The following NLRP1 variants were observed in gnomAD, a reference collection of about 807,000 sequenced individuals.
NLRP1 encodes NACHT, LRR and PYD domains-containing protein 1.
A neutral mutation model predicts 136.7 loss-of-function variants in NLRP1; 94 were observed. The ratio of observed to expected loss-of-function variants is 0.69; its 90% CI spans 0.58 to 0.82. NLRP1 has a LOEUF of 0.82. Ranked by LOEUF, NLRP1 falls within the 40% of genes least tolerant of loss-of-function variation. NLRP1 has a pLI of 0.00. For missense variants in NLRP1, 1,575 were observed against 1,802.7 expected (o/e 0.87, Z 2.29); for synonymous variants, 690 against 725.1 (o/e 0.95, Z 0.78).
In NLRP1 at chr17:5,553,474, C is replaced by G; in HGVS notation, c.2440G>C (p.Asp814His). 2 of 1,614,156 alleles carry G rather than the reference C, an allele frequency of 1.2e-6. No homozygotes were observed. Among genetic ancestry groups the G allele is most frequent in the Non-Finnish European group, 1.7e-6 (2 of 1,180,022 alleles). ...TGGCTCAGCGAGTTTCCACTTAGGT[C>G]CAGCTCCTTCAGGTTTCTGGTGACC... Reference protein sequence around the residue: ...LKVTRNLKELDLSGNSLSHSA... With the variant: ...LKVTRNLKELHLSGNSLSHSA... The change falls in exon 5 of 17, where the codon GAC becomes CAC. Residue 814 changes from aspartate to histidine, a missense_variant. Asp to His is a moderately conservative substitution (Grantham distance 81, BLOSUM62 -1). Coordinates refer to ENST00000572272, the MANE Select transcript of NLRP1 (RefSeq NM_033004.4).
In NLRP1 at chr17:5,558,712, T is replaced by G. The variant is rs780000177; in HGVS notation, c.1984A>C (p.Ile662Leu). Residue 662 changes from isoleucine (I) to leucine (L), a missense_variant, in exon 4 of 17, where the codon ATA (isoleucine) becomes CTA (leucine). Coordinates refer to ENST00000572272, the MANE Select transcript of NLRP1 (RefSeq NM_033004.4). ...DLEKTLEAYG[I>L]HGLFGASTTR... ...GTTGATGCCCCAAACAGGCCATGTA[T>G]TCCATATGCTTCTAGCGTCTTTTCC... The G allele has an allele frequency of 1.9e-6, 3 of 1,614,192 alleles. No individual in the cohort carries two copies. The South Asian group carries it at 3.3e-5, about 18-fold the overall frequency.
intron 15 of NLRP1, among the ~76,000 whole-genome samples, chr17:5,507,826 G>A (rs947276191): frequency 4.6e-5 from 7 of 151,954 alleles, no homozygotes; most frequent in South Asian, 2.1e-4. Flanking sequence ...GCGAGACTCC[G>A]TCTCAAAAAA....
At chr17:5,565,073 C>G (rs1336064362) in intron 3 of NLRP1, among the ~76,000 whole-genome samples, 1 of 152,154 alleles carries the variant, frequency 6.6e-6, no homozygotes, top group Non-Finnish European at 1.5e-5. Context: ...AAACTGTTCT[C>G]CATAGTGGTT....
chr17:5,550,589 G>GT (rs1913224355), intron 5 of NLRP1, among the ~76,000 whole-genome samples: 1 of 151,924 alleles, frequency 6.6e-6, no homozygotes, highest in African/African-American at 2.4e-5. Context: ...TTACATTTTA[G>GT]TTAGTCTAGC....
intron 5 of NLRP1, among the ~76,000 whole-genome samples, chr17:5,546,066 C>T (rs1912624448): frequency 1.3e-5 from 2 of 152,302 alleles, no homozygotes; most frequent in African/African-American, 4.8e-5. Context: ...GCCATCTGAC[C>T]TTGGGCAGCA....
At chr17:5,524,686 G>A (rs1042653377) in intron 12 of NLRP1, among the ~76,000 whole-genome samples, 1 of 152,234 alleles carries the variant, frequency 6.6e-6, no homozygotes, top group African/African-American at 2.4e-5. Flanking sequence ...AATCCTGGGA[G>A]GAAAGTGCTT....
Position 5,504,829 on chromosome 17 carries a change from G to A in NLRP1, c.4070-2957C>T, listed in dbSNP as rs544139031. The A allele has an allele frequency of 1.3e-5, 2 of 152,516 alleles. No homozygotes were observed. The highest frequency in any genetic ancestry group is 3.9e-4 in the East Asian group (2 of 5,182). The allele number at this position is 152,516 out of a possible 1,614,324, so 9.4% of individuals were successfully genotyped here. A position where few individuals can be genotyped will look rare whatever the true frequency, so the allele number is the denominator to read the frequency against. On this transcript the variant is annotated intron_variant, in intron 15 of 15. Transcript: ENST00000262467. This position sits in a 1 kb window ranked among gnomAD's most constrained non-coding sequence, Gnocchi z 4.4. ...CCTCACCCTGCAGCAAAACAGACTT[G>A]TTCCCTTTAGAATGTGTACACAGAG...
chr17:5,514,387 T>G lies in NLRP1; in HGVS notation c.*367A>C. ...CCACGCTGAACCCCAATTTTGGGGC[T>G]CACCCTGTGACACAGCCAGAGGCAA... is the stretch of plus-strand genomic sequence containing the variant. On this transcript the variant is annotated 3_prime_UTR_variant, in exon 17 of 17. Coordinates refer to ENST00000572272, the MANE Select transcript of NLRP1 (RefSeq NM_033004.4). 1.8e-6 allele frequency: 2 copies of G among 1,083,082 alleles called. No homozygotes were observed. The highest frequency in any genetic ancestry group is 2.3e-6 in the Non-Finnish European group (2 of 888,812). 67.1% of individuals were successfully genotyped at this position (1,083,082 alleles called of 1,614,324 possible). A position where few individuals can be genotyped will look rare whatever the true frequency, so the allele number is the denominator to read the frequency against.
downstream of NLRP1, among the ~76,000 whole-genome samples, chr17:5,510,612 C>T (rs1313421505): frequency 2.0e-5 from 3 of 152,036 alleles, no homozygotes; most frequent in East Asian, 5.8e-4. Flanking sequence ...GGTGATCCGT[C>T]CGCCTTGACA....
intron 14 of NLRP1, among the ~76,000 whole-genome samples, chr17:5,520,337 G>T (rs1379177412): frequency 2.0e-5 from 3 of 152,070 alleles, no homozygotes; most frequent in African/African-American, 7.2e-5. Flanking sequence ...CGTCAAGCTT[G>T]CTCCCACCTC....
At chr17:5,552,410 C>A (rs186816987) in intron 5 of NLRP1, among the ~76,000 whole-genome samples, 1 of 152,012 alleles carries the variant, frequency 6.6e-6, no homozygotes, top group East Asian at 1.9e-4. Context: ...TTTTATGGGG[C>A]GATCTTATCT....
rs542494781 is a variant in NLRP1 at position 5,539,758 on chromosome 17, C to T, written c.2700-173G>A. 222 of 822,804 alleles carry T rather than the reference C, an allele frequency of 2.7e-4. 5 individuals carry two copies. The South Asian group carries it at 0.011, about 40-fold the overall frequency. 51.0% of individuals were successfully genotyped at this position (822,804 alleles called of 1,614,324 possible). A position where few individuals can be genotyped will look rare whatever the true frequency, so the allele number is the denominator to read the frequency against. On this transcript the variant is annotated intron_variant, in intron 6 of 16. Transcript: ENST00000572272. ...GGTAACCTGAGAGATTTTCACTTTCCTCTTGCAGCCACGGAACCCCTCAGG... is the reference window on the plus strand; with the variant it reads ...GGTAACCTGAGAGATTTTCACTTTCTTCTTGCAGCCACGGAACCCCTCAGG...
At position 5,559,748 on chromosome 17, in the gene NLRP1, G is replaced by A. The variant is rs1297198279; in HGVS notation, c.948C>T (p.Asp316=). The stretch of plus-strand genomic sequence containing the variant: ...GGGTATCCAGGCCTGGGCCAAATAA[G>A]TCTCTGATCTCAATTAAATGTCCTC... ...ENRGHLIEIR[D]LFGPGLDTQE... The change falls in exon 4 of 17, where the codon GAC becomes GAT. Residue 316 remains aspartate, a synonymous_variant. Coordinates refer to ENST00000572272, the MANE Select transcript of NLRP1 (RefSeq NM_033004.4). 7 of 1,614,126 alleles carry A rather than the reference G, an allele frequency of 4.3e-6. No homozygotes were observed. The highest frequency in any genetic ancestry group is 1.7e-5 in the Admixed American group (1 of 60,012).
chr17:5,512,592 G>T (rs1907714732), downstream of NLRP1: 2 of 504,630 alleles, frequency 4.0e-6, no homozygotes, highest in Non-Finnish European at 7.4e-6. Flanking sequence ...TGGGTGGGTG[G>T]GGCGTGAAGG....
At chr17:5,552,524 C>G (rs1024510076) in intron 5 of NLRP1, among the ~76,000 whole-genome samples, 1 of 152,132 alleles carries the variant, frequency 6.6e-6, no homozygotes, top group African/African-American at 2.4e-5. Context: ...CATTCCACCC[C>G]CCAATCACTT....
At chr17:5,540,231 T>C (rs919206320) in intron 6 of NLRP1, among the ~76,000 whole-genome samples, 1 of 152,216 alleles carries the variant, frequency 6.6e-6, no homozygotes, top group Non-Finnish European at 1.5e-5. Flanking sequence ...TTAAAAAGAA[T>C]GATGTGACTT....
intron 12 of NLRP1, among the ~76,000 whole-genome samples, chr17:5,527,087 T>C: frequency 6.6e-6 from 1 of 152,214 alleles, no homozygotes; most frequent in East Asian, 1.9e-4. Flanking sequence ...CAGGGATTGG[T>C]TTCCTGGCTG....
intron 3 of NLRP1, among the ~76,000 whole-genome samples, chr17:5,578,362 C>T (rs1288312501): frequency 2.6e-5 from 4 of 151,854 alleles, no homozygotes; most frequent in Non-Finnish European, 5.9e-5. Context: ...ATCTACTCAT[C>T]TAACAAAGGG....
At chr17:5,535,425 G>C (rs535842706) in intron 8 of NLRP1, among the ~76,000 whole-genome samples, 1 of 152,234 alleles carries the variant, frequency 6.6e-6, no homozygotes, top group African/African-American at 2.4e-5. Context: ...TTCTCTCTCA[G>C]AGCCTCTACT....
Sources: allele counts gnomAD v4.1 joint callset (sites outside exome capture counted in the v4.1 genomes callset), GRCh38; gene constraint gnomAD v4.1.1; non-coding constraint Gnocchi (gnomAD v3.1); transcripts MANE v1.5; gene names NCBI Gene and HGNC (gene_info 2026-07-23, HGNC 2026-07-21).